The following DCLK2 variants were observed in gnomAD, a reference collection of about 807,000 sequenced individuals.
The protein encoded by DCLK2 is doublecortin like kinase 2.
Under a neutral mutation model 78.4 loss-of-function variants are expected in DCLK2, and 31 were observed. The ratio of observed to expected loss-of-function variants is 0.40; its 90% CI spans 0.30 to 0.53. DCLK2 has a LOEUF of 0.53. Ranked by LOEUF, DCLK2 falls within the 20% of genes least tolerant of loss-of-function variation. The pLI is 0.61. For missense variants in DCLK2, 872 were observed against 973.7 expected (o/e 0.90, Z 1.39); for synonymous variants, 407 against 374.9 (o/e 1.09, Z -0.99).
In DCLK2 at chr4:150,118,546, A is replaced by G. The variant is rs147333346; in HGVS notation, c.756+15734A>G. Among the ~76,000 whole-genome samples, 450 of 152,284 alleles carry G rather than the reference A, an allele frequency of 3.0e-3. 3 individuals carry two copies. The highest frequency in any genetic ancestry group is 0.011 in the African/African-American group (443 of 41,554). ...TTTATAATTGACTATTCCTATACATATTTTCATATACAGTATACATGTATA... is the reference window on the plus strand; with the variant it reads ...TTTATAATTGACTATTCCTATACATGTTTTCATATACAGTATACATGTATA... On this transcript the variant is annotated intron_variant, in intron 2 of 15. Transcript: ENST00000296550.
At chr4:150,129,635 G>A (rs998614930) in intron 2 of DCLK2, among the ~76,000 whole-genome samples, 9 of 151,812 alleles carry the variant, frequency 5.9e-5, no homozygotes, top group Non-Finnish European at 8.8e-5. Flanking sequence ...CAGGAAAATC[G>A]CTTGAACCCA....
intron 10 of DCLK2, among the ~76,000 whole-genome samples, chr4:150,233,071 G>A (rs1449169095): frequency 1.3e-5 from 2 of 152,160 alleles, no homozygotes; most frequent in Non-Finnish European, 2.9e-5. Context: ...CTGAGACTGG[G>A]TAATTTATGA....
chr4:150,145,299 G>A (rs1165639852), intron 2 of DCLK2, among the ~76,000 whole-genome samples: 1 of 152,146 alleles, frequency 6.6e-6, no homozygotes, highest in Non-Finnish European at 1.5e-5. Flanking sequence ...GAGGCAAGTT[G>A]TCTGTCAGTT....
Position 150,256,375 on chromosome 4 carries a change from C to T in DCLK2, c.*128C>T, listed in dbSNP as rs1442697942. On this transcript the variant is annotated 3_prime_UTR_variant, in exon 16 of 16. Coordinates refer to ENST00000296550, the MANE Select transcript of DCLK2 (RefSeq NM_001040260.4). ...TGCGCCTGAGTTCGCGGGTCCTCCGCAGGCCGCCTGGGAACCGGAGCCTGG... is the reference window on the plus strand; with the variant it reads ...TGCGCCTGAGTTCGCGGGTCCTCCGTAGGCCGCCTGGGAACCGGAGCCTGG... 1 of 1,300,988 alleles carries T rather than the reference C, an allele frequency of 7.7e-7. No homozygotes were observed. The highest frequency in any genetic ancestry group is 2.6e-5 in the East Asian group (1 of 38,282). 80.6% of individuals were successfully genotyped at this position (1,300,988 alleles called of 1,614,324 possible). A position where few individuals can be genotyped will look rare whatever the true frequency, so the allele number is the denominator to read the frequency against.
rs988435018 is a variant in DCLK2, at chr4:150,078,787, C to G, written c.-241C>G. 8 of 380,288 alleles carry G rather than the reference C, an allele frequency of 2.1e-5. No individual in the cohort carries two copies. In the Admixed American group the frequency reaches 3.2e-4, roughly 15 times the overall value. 23.6% of individuals were successfully genotyped at this position (380,288 alleles called of 1,614,324 possible). ...GGGGCTCCCCGGCAGGCGGGAGGCA[C>G]GGAGCAAGTCGCACTGGACAATGAC... On this transcript the variant is annotated 5_prime_UTR_variant, in exon 1 of 16. Coordinates refer to ENST00000296550, the MANE Select transcript of DCLK2 (RefSeq NM_001040260.4).
At chr4:150,249,806 G>T (rs1316629188) in intron 15 of DCLK2, 122 bp downstream of exon 15, 1 of 808,470 alleles carries the variant, frequency 1.2e-6, no homozygotes, top group East Asian at 2.5e-5. Flanking sequence ...TTCATATGAA[G>T]ATTGGCTTGG....
At chr4:150,132,013 A>G (rs1162304748) in intron 2 of DCLK2, among the ~76,000 whole-genome samples, 8 of 152,176 alleles carry the variant, frequency 5.3e-5, no homozygotes, top group Admixed American at 5.2e-4. Context: ...ATATGACTGT[A>G]CAATTTGCAC....
intron 12 of DCLK2, among the ~76,000 whole-genome samples, 195 bp downstream of exon 12, chr4:150,240,671 G>A: frequency 6.7e-6 from 1 of 149,114 alleles, no homozygotes; most frequent in Non-Finnish European, 1.5e-5. Flanking sequence ...AGTGGGTGCA[G>A]CGCACCAGCA....
intron 1 of DCLK2, among the ~76,000 whole-genome samples, chr4:150,086,684 T>G (rs1268154464): frequency 1.3e-5 from 2 of 152,022 alleles, no homozygotes; most frequent in Non-Finnish European, 2.9e-5. Flanking sequence ...TTTTTTGTAT[T>G]TTTAGTAGAG....
At chr4:150,193,948 T>C (rs925706598) in intron 3 of DCLK2, among the ~76,000 whole-genome samples, 1 of 151,260 alleles carries the variant, frequency 6.6e-6, no homozygotes, top group East Asian at 2.0e-4. Context: ...GACAGGGTCT[T>C]GCTATGTTGC....
At chr4:150,094,207 T>G (rs1664283667) in intron 1 of DCLK2, among the ~76,000 whole-genome samples, 1 of 152,120 alleles carries the variant, frequency 6.6e-6, no homozygotes, top group African/African-American at 2.4e-5. Flanking sequence ...CAAGTGGGAC[T>G]ACATCAAACT....
rs1731245991 is a variant in DCLK2, at chr4:150,106,264, G to GAT, written c.756+3456_756+3457dup. ...CAAAACTTCAAGTCTGTTTTTGGTT[G>GAT]ATATAAGTATAAAGATACTATGACA... On this transcript the variant is annotated intron_variant, in intron 2 of 15. Transcript: ENST00000296550. Among the ~76,000 whole-genome samples, 2 of 152,200 alleles carry GAT rather than the reference G, an allele frequency of 1.3e-5. 1 individual carries two copies. Among genetic ancestry groups the GAT allele is most frequent in the South Asian group, 4.1e-4 (2 of 4,822 alleles).
At chr4:150,154,467 G>T (rs1378229685) in intron 2 of DCLK2, among the ~76,000 whole-genome samples, 1 of 152,208 alleles carries the variant, frequency 6.6e-6, no homozygotes, top group East Asian at 1.9e-4. Flanking sequence ...GTACTCTAGT[G>T]TACTTGTGGG....
chr4:150,223,739 C>CAA (rs1202093278), intron 7 of DCLK2, among the ~76,000 whole-genome samples: 1 of 121,388 alleles, frequency 8.2e-6, no homozygotes, highest in African/African-American at 3.0e-5. Flanking sequence ...GCAAGACTCT[C>CAA]TCTCAATAAA....
At chr4:150,152,635 C>G (rs867520597) in intron 2 of DCLK2, among the ~76,000 whole-genome samples, 17 of 152,108 alleles carry the variant, frequency 1.1e-4, no homozygotes, top group Admixed American at 6.6e-5. Flanking sequence ...GTAACTGATT[C>G]AAAACAATAA....
chr4:150,124,183 CTG>C (rs1732766654), intron 2 of DCLK2, among the ~76,000 whole-genome samples: 1 of 152,110 alleles, frequency 6.6e-6, no homozygotes, highest in African/African-American at 2.4e-5. Context: ...TTGGAAAGCT[CTG>C]TAGTCATTAG....
At chr4:150,219,449 C>T (rs1580739828) in intron 5 of DCLK2, among the ~76,000 whole-genome samples, 2 of 151,800 alleles carry the variant, frequency 1.3e-5, no homozygotes, top group South Asian at 2.1e-4. Flanking sequence ...TCAGTAGAGA[C>T]GGGGTCTCAC....
Position 150,079,389 on chromosome 4 carries a change from G to A in DCLK2, c.362G>A (p.Arg121His). 1 of 1,586,024 alleles carries A rather than the reference G, an allele frequency of 6.3e-7. No homozygotes were observed. Among genetic ancestry groups the A allele is most frequent in the African/African-American group, 1.3e-5 (1 of 74,218 alleles). Reference protein sequence around the residue: ...SDNVNLPQGVRTIYTIDGSRK... With the variant: ...SDNVNLPQGVHTIYTIDGSRK... ...AACGTGAACCTGCCCCAGGGTGTCC[G>A]CACTATCTACACCATCGACGGCAGC... The change falls in exon 1 of 16, where the codon CGC (arginine) becomes CAC (histidine). Residue 121 changes from arginine (R) to histidine (H), a missense_variant. By Grantham distance (29) the Arg-to-His change is conservative. Around this residue, in one of 3 missense-constraint regions of DCLK2, gnomAD observed 567 missense variants for 593.4 expected, o/e 0.96. Transcript: ENST00000296550.
At chr4:150,217,485 T>A (rs1740810023) in intron 5 of DCLK2, among the ~76,000 whole-genome samples, 1 of 152,202 alleles carries the variant, frequency 6.6e-6, no homozygotes, top group South Asian at 2.1e-4. Context: ...AATGGCTCCC[T>A]CTCACGGCTC....
Sources: gnomAD v4.1 joint callset for allele counts (sites outside exome capture counted in the v4.1 genomes callset) on GRCh38, gnomAD v4.1.1 for gene constraint, gnomAD v4.1.1 regional missense constraint, MANE v1.5 for transcripts, NCBI Gene and HGNC (gene_info 2026-07-23, HGNC 2026-07-21) for gene names.